The following NCKAP5 variants were observed in gnomAD, a reference collection of about 807,000 sequenced individuals.
NCKAP5 encodes NCK associated protein 5.
In NCKAP5, 92 loss-of-function variants were observed where a neutral mutation model predicts 167.0. The ratio of observed to expected loss-of-function variants is 0.55; its 90% CI spans 0.47 to 0.66. The LOEUF (loss-of-function observed/expected upper bound fraction) is 0.66, where lower values mean the gene tolerates loss of function less well. Among genes scored for constraint, NCKAP5 ranks in the 30% least tolerant of loss-of-function variants. The pLI, the probability that NCKAP5 is intolerant of heterozygous loss-of-function variation, is 0.00. For missense variants in NCKAP5, 2,378 were observed against 2,315.0 expected (o/e 1.03, Z -0.56); for synonymous variants, 891 against 877.4 (o/e 1.02, Z -0.27).
intron 2 of NCKAP5, among the ~76,000 whole-genome samples, chr2:133,549,074 C>T (rs1687025880): frequency 2.0e-5 from 3 of 151,020 alleles, no homozygotes; most frequent in South Asian, 2.1e-4. Flanking sequence ...GCAGGGGTTG[C>T]AATCCTAGTC....
chr2:133,308,803 C>T (rs1260177938), intron 3 of NCKAP5, among the ~76,000 whole-genome samples: 5 of 145,896 alleles, frequency 3.4e-5, no homozygotes, highest in Admixed American at 2.1e-4. Context: ...CTCTGCTTCC[C>T]GGGTTCACGC....
intron 6 of NCKAP5, among the ~76,000 whole-genome samples, chr2:133,016,740 G>A (rs914387022): frequency 1.3e-5 from 2 of 152,136 alleles, no homozygotes; most frequent in African/African-American, 4.8e-5. Context: ...AAGGATAGCT[G>A]AGTCTGGCCA....
At chr2:132,971,594 T>C (rs1299949400) in intron 7 of NCKAP5, among the ~76,000 whole-genome samples, 1 of 152,180 alleles carries the variant, frequency 6.6e-6, no homozygotes. Context: ...AAAAACAAGA[T>C]GCTGCTGCAA....
intron 13 of NCKAP5, among the ~76,000 whole-genome samples, chr2:132,786,039 G>C (rs1239413428): frequency 6.6e-6 from 1 of 152,230 alleles, no homozygotes; most frequent in Non-Finnish European, 1.5e-5. Flanking sequence ...TGCAAATGTT[G>C]TAAGTACTCT....
intron 3 of NCKAP5, among the ~76,000 whole-genome samples, chr2:133,343,138 G>A (rs578243782): frequency 6.6e-6 from 1 of 152,196 alleles, no homozygotes; most frequent in Non-Finnish European, 1.5e-5. Flanking sequence ...GACTGCATTT[G>A]TTACAGTTTG....
At chr2:133,656,001 C>T in the NCKAP5 span, among the ~76,000 whole-genome samples, 27 of 152,294 alleles carry the variant, frequency 1.8e-4, 1 homozygote, top group South Asian at 4.8e-3. Flanking sequence ...AGCTTTCCTC[C>T]ACTCTGTCAG....
chr2:133,639,462 G>A, the NCKAP5 span, among the ~76,000 whole-genome samples: 1 of 152,170 alleles, frequency 6.6e-6, no homozygotes, highest in Admixed American at 6.5e-5. Flanking sequence ...TAGGGGTATT[G>A]TCCCAGCAGA....
At chr2:133,668,293 A>G in the NCKAP5 span, among the ~76,000 whole-genome samples, 1 of 152,050 alleles carries the variant, frequency 6.6e-6, no homozygotes, top group Non-Finnish European at 1.5e-5. Flanking sequence ...TTGGAACTAT[A>G]TGTAGGAGTG....
At chr2:133,406,352 G>T (rs944182033) in intron 3 of NCKAP5, among the ~76,000 whole-genome samples, 3 of 152,226 alleles carry the variant, frequency 2.0e-5, no homozygotes, top group Non-Finnish European at 4.4e-5. Context: ...TTATGCAGAA[G>T]TAGGCTGCAG....
intron 10 of NCKAP5, among the ~76,000 whole-genome samples, 195 bp from the exon 11 acceptor site, chr2:132,860,806 A>AT (rs200741011): frequency 5.1e-4 from 78 of 152,224 alleles, no homozygotes; most frequent in Middle Eastern, 3.4e-3. Flanking sequence ...AAGAAGACCA[A>AT]TTTTTTTTAA....
At chr2:133,565,690 C>G (rs974779920) in intron 1 of NCKAP5, among the ~76,000 whole-genome samples, 11 of 152,164 alleles carry the variant, frequency 7.2e-5, no homozygotes, top group African/African-American at 1.9e-4. Flanking sequence ...AGCCAGGCAT[C>G]ACATCAAGAA....
At chr2:133,103,840 C>T (rs2149689104) in intron 6 of NCKAP5, among the ~76,000 whole-genome samples, 1 of 152,266 alleles carries the variant, frequency 6.6e-6, no homozygotes, top group South Asian at 2.1e-4. Flanking sequence ...GGTTTTGGCT[C>T]TTCCTCATCC....
At position 132,794,306 on chromosome 2, in the gene NCKAP5, AGG is replaced by A. The variant is rs1491452052; in HGVS notation, c.909+2320_909+2321del. Among the ~76,000 whole-genome samples, 459 of 102,084 alleles carry A rather than the reference AGG, an allele frequency of 4.5e-3. 14 individuals are homozygous for A. Among genetic ancestry groups the A allele is most frequent in the East Asian group, 0.014 (47 of 3,368 alleles). The allele number at this position is 102,084 out of a possible 152,430, so 67.0% of individuals were successfully genotyped here. On this transcript the variant is annotated intron_variant, in intron 12 of 19. Transcript: ENST00000409261. The stretch of plus-strand genomic sequence containing the variant: ...GAGAGAGAGAGAGAGAGAGAGAGAG[AGG>A]GTGGCGGGAAGAGAGAGAGAAAGAG...
chr2:133,508,694 C>T (rs142684460), intron 3 of NCKAP5, among the ~76,000 whole-genome samples: 67 of 152,272 alleles, frequency 4.4e-4, no homozygotes, highest in Middle Eastern at 6.8e-3. Context: ...GCCATGGGAA[C>T]GATCCTAGGC....
intron 3 of NCKAP5, among the ~76,000 whole-genome samples, chr2:133,470,270 G>T (rs1052068360): frequency 5.9e-5 from 9 of 151,822 alleles, no homozygotes; most frequent in East Asian, 3.9e-4. Context: ...ATACCCTGCC[G>T]TGTGAGGTGT....
chr2:133,265,592 A>C (rs1445908824), intron 4 of NCKAP5, among the ~76,000 whole-genome samples: 2 of 152,186 alleles, frequency 1.3e-5, no homozygotes, highest in Non-Finnish European at 2.9e-5. Flanking sequence ...GCAACAGGGC[A>C]CACGCTCCTG....
chr2:132,689,484 G>A (rs930291645), intron 19 of NCKAP5, among the ~76,000 whole-genome samples: 12 of 152,172 alleles, frequency 7.9e-5, no homozygotes, highest in African/African-American at 2.7e-4. Flanking sequence ...TTTAAGAAAA[G>A]AGCAGAGATC....
chr2:133,001,212 T>G (rs1228887202), intron 6 of NCKAP5, among the ~76,000 whole-genome samples: 2 of 151,300 alleles, frequency 1.3e-5, no homozygotes, highest in Non-Finnish European at 2.9e-5. Flanking sequence ...TGCCTTTGAC[T>G]TACTTTTTTT....
At chr2:133,621,313 C>T in the NCKAP5 span, among the ~76,000 whole-genome samples, 2 of 151,726 alleles carry the variant, frequency 1.3e-5, no homozygotes, top group African/African-American at 2.4e-5. Flanking sequence ...AAAAAAAATA[C>T]AAAAGATAAA....
Sources: gnomAD v4.1 joint callset for allele counts (sites outside exome capture counted in the v4.1 genomes callset) on GRCh38, gnomAD v4.1.1 for gene constraint, MANE v1.5 for transcripts, NCBI Gene and HGNC (gene_info 2026-07-23, HGNC 2026-07-21) for gene names.